KCNQ1OT1: variants seen among roughly 807,000 people sequenced by gnomAD.
The protein encoded by KCNQ1OT1 is KCNQ1 antisense RNA 2 (non-protein coding).
At position 2,653,535 on chromosome 11, in the gene KCNQ1OT1, C is replaced by G. The variant is rs1849790234; in HGVS notation, n.46460G>C. 7.5e-6 allele frequency: 3 copies of G among 398,894 alleles called. No individual in the cohort carries two copies. Among genetic ancestry groups the G allele is most frequent in the Admixed American group, 4.4e-5 (1 of 22,740 alleles). 24.7% of individuals were successfully genotyped at this position (398,894 alleles called of 1,614,324 possible). A position where few individuals can be genotyped will look rare whatever the true frequency, so the allele number is the denominator to read the frequency against. On this transcript the variant is annotated non_coding_transcript_exon_variant, in exon 1 of 1. Coordinates refer to ENST00000597346, the Ensembl canonical transcript of KCNQ1OT1. This position sits in a 1 kb window ranked among gnomAD's most constrained non-coding sequence, Gnocchi z 5.3. The stretch of plus-strand genomic sequence containing the variant: ...CTTGCTCACTTGCTCTCACTCTCCC[C>G]TCTTGCACTCCCCTTCTCCCTTCCC...
Position 2,634,250 on chromosome 11 carries a change from A to G in KCNQ1OT1, n.65745T>C, listed in dbSNP as rs1286205811. The G allele has an allele frequency of 1.6e-5, 6 of 385,618 alleles. No homozygotes were observed. The Admixed American group carries it at 2.7e-4, about 17-fold the overall frequency. The allele number at this position is 385,618 out of a possible 1,614,324, so 23.9% of individuals were successfully genotyped here. ...TTTGTTACATATGTATACATGTGCC[A>G]TGTTGGTGTGCTGCACTGATTACCT... On this transcript the variant is annotated non_coding_transcript_exon_variant, in exon 1 of 1. Coordinates refer to ENST00000597346, the Ensembl canonical transcript of KCNQ1OT1.
rs931788890 is a variant in KCNQ1OT1 at position 2,690,889 on chromosome 11, C to T, written n.9106G>A. On this transcript the variant is annotated non_coding_transcript_exon_variant, in exon 1 of 1. Coordinates refer to ENST00000597346, the Ensembl canonical transcript of KCNQ1OT1. This position sits in a 1 kb window ranked among gnomAD's most constrained non-coding sequence, Gnocchi z 5.1. ...ACACAGGAGTGTAAGCCACTGTTTC[C>T]GTCTGGGTTTTGTCATGTGTAGGTC... The T allele has an allele frequency of 2.3e-5, 9 of 398,438 alleles. No homozygotes were observed. The highest frequency in any genetic ancestry group is 8.8e-5 in the Admixed American group (2 of 22,710). The allele number at this position is 398,438 out of a possible 1,614,324, so 24.7% of individuals were successfully genotyped here.
chr11:2,618,676 C>T (rs1343446879), exon 1 of KCNQ1OT1: 1 of 398,394 alleles, frequency 2.5e-6, no homozygotes, highest in African/African-American at 2.1e-5. Flanking sequence ...TCGTTGGCTA[C>T]TTAAGGTTCT....
At chr11:2,686,719 G>A (rs1015078272) in exon 1 of KCNQ1OT1, 6 of 398,482 alleles carry the variant, frequency 1.5e-5, no homozygotes, top group Non-Finnish European at 2.2e-5. Context: ...AGTCCTACTC[G>A]GCCCCACTTC....
At position 2,664,622 on chromosome 11, in the gene KCNQ1OT1, C is replaced by T. The variant is rs1364643528; in HGVS notation, n.35373G>A. On this transcript the variant is annotated non_coding_transcript_exon_variant, in exon 1 of 1. Transcript: ENST00000597346. The surrounding 1 kb of genome is among the most constrained non-coding windows in gnomAD (Gnocchi z 5.1). ...CTCCTGCACAGCCCGCCCAGTGATG[C>T]CCATAATTAAATTCGGCTCCAGCTG... 1 of 398,526 alleles carries T rather than the reference C, an allele frequency of 2.5e-6. No individual in the cohort carries two copies. The highest frequency in any genetic ancestry group is 6.2e-4 in the Middle Eastern group (1 of 1,612). The allele number at this position is 398,526 out of a possible 1,614,324, so 24.7% of individuals were successfully genotyped here.
At chr11:2,689,620 G>A in exon 1 of KCNQ1OT1, 1 of 398,628 alleles carries the variant, frequency 2.5e-6, no homozygotes, top group Non-Finnish European at 4.4e-6. Context: ...GGTATTTTAG[G>A]AACAAAACAA....
In KCNQ1OT1 at chr11:2,659,547, G is replaced by A. The variant is rs1849913426; in HGVS notation, n.40448C>T. ...ATTGTTTCCAGTATTTGGTAATTAT[G>A]AGCAGAGTTACTATACACATTTATG... On this transcript the variant is annotated non_coding_transcript_exon_variant, in exon 1 of 1. Coordinates refer to ENST00000597346, the Ensembl canonical transcript of KCNQ1OT1. The surrounding 1 kb of genome is among the most constrained non-coding windows in gnomAD (Gnocchi z 4.3). 2.5e-6 allele frequency: 1 copy of A among 398,392 alleles called. No individual in the cohort carries two copies. The highest frequency in any genetic ancestry group is 2.1e-5 in the African/African-American group (1 of 48,636). 24.7% of individuals were successfully genotyped at this position (398,392 alleles called of 1,614,324 possible).
At chr11:2,656,359 T>A (rs1251150638) in exon 1 of KCNQ1OT1, 1 of 398,530 alleles carries the variant, frequency 2.5e-6, no homozygotes, top group Non-Finnish European at 4.4e-6. Flanking sequence ...TCTTCAAGCC[T>A]TACAGGTCCT....
exon 1 of KCNQ1OT1, chr11:2,694,240 A>C (rs748022688): frequency 2.5e-6 from 1 of 398,694 alleles, no homozygotes; most frequent in Non-Finnish European, 4.4e-6. Context: ...GGCAGGATGC[A>C]AGCCAGGGCC....
chr11:2,672,712 T>C (rs1342475259), exon 1 of KCNQ1OT1: 6 of 398,684 alleles, frequency 1.5e-5, no homozygotes, highest in Non-Finnish European at 2.2e-5. Flanking sequence ...CAAGGCCAGA[T>C]GTCAGGTTCC....
exon 1 of KCNQ1OT1, chr11:2,697,543 T>G (rs1422668548): frequency 2.5e-6 from 1 of 398,514 alleles, no homozygotes; most frequent in Non-Finnish European, 4.4e-6. Flanking sequence ...AGTCCTGGCT[T>G]GCTAAGTGGT....
Position 2,676,733 on chromosome 11 carries a change from T to A in KCNQ1OT1, n.23262A>T, listed in dbSNP as rs141131181. On this transcript the variant is annotated non_coding_transcript_exon_variant, in exon 1 of 1. Transcript: ENST00000597346. This position sits in a 1 kb window ranked among gnomAD's most constrained non-coding sequence, Gnocchi z 4.2. ...ATAACCAAGTCATATGCATAGTGGC[T>A]TTGGGTACGATGGTCTGCTGTATGA... 139 of 398,632 alleles carry A rather than the reference T, an allele frequency of 3.5e-4. No homozygotes were observed. In the East Asian group the frequency reaches 3.9e-3, roughly 11 times the overall value. 24.7% of individuals were successfully genotyped at this position (398,632 alleles called of 1,614,324 possible). A position where few individuals can be genotyped will look rare whatever the true frequency, so the allele number is the denominator to read the frequency against.
exon 1 of KCNQ1OT1, chr11:2,610,040 C>CTGGA (rs1848953529): frequency 2.5e-6 from 1 of 397,732 alleles, no homozygotes; most frequent in Non-Finnish European, 4.4e-6. Flanking sequence ...AGATTTATAT[C>CTGGA]CACAGTTTTA....
At chr11:2,634,260 G>A in exon 1 of KCNQ1OT1, 1 of 378,720 alleles carries the variant, frequency 2.6e-6, no homozygotes, top group Non-Finnish European at 4.7e-6. Flanking sequence ...ATGTTGGTGT[G>A]CTGCACTGAT....
Position 2,652,407 on chromosome 11 carries a change from T to C in KCNQ1OT1, n.47588A>G, listed in dbSNP as rs546464852. ...TAGATTAAAAACATTTTTTTCTTCCTGTGTAATTTTGTCTTGAAAATCAAG... is the reference window on the plus strand; with the variant it reads ...TAGATTAAAAACATTTTTTTCTTCCCGTGTAATTTTGTCTTGAAAATCAAG... On this transcript the variant is annotated non_coding_transcript_exon_variant, in exon 1 of 1. Transcript: ENST00000597346. The surrounding 1 kb of genome is among the most constrained non-coding windows in gnomAD (Gnocchi z 5.9). 5 of 398,654 alleles carry C rather than the reference T, an allele frequency of 1.3e-5. No individual in the cohort carries two copies. Among genetic ancestry groups the C allele is most frequent in the African/African-American group, 6.2e-5 (3 of 48,758 alleles). 24.7% of individuals were successfully genotyped at this position (398,654 alleles called of 1,614,324 possible). A position where few individuals can be genotyped will look rare whatever the true frequency, so the allele number is the denominator to read the frequency against.
exon 1 of KCNQ1OT1, chr11:2,699,527 G>T (rs1471127341): frequency 3.3e-5 from 11 of 335,508 alleles, no homozygotes; most frequent in Non-Finnish European, 5.6e-5. Flanking sequence ...AGAGTGCCGC[G>T]CTGAGGAGGC....
chr11:2,621,353 G>A lies in KCNQ1OT1; in HGVS notation n.78642C>T, dbSNP rs1170498787. The A allele has an allele frequency of 2.5e-6, 1 of 398,464 alleles. No individual in the cohort carries two copies. The highest frequency in any genetic ancestry group is 4.4e-6 in the Non-Finnish European group (1 of 226,062). The allele number at this position is 398,464 out of a possible 1,614,324, so 24.7% of individuals were successfully genotyped here. A position where few individuals can be genotyped will look rare whatever the true frequency, so the allele number is the denominator to read the frequency against. ...TGGCTACTTCTGTATTTTCTTTTAAGAAATGTATGTTCCTGTCCTTTGCCA... is the reference window on the plus strand; with the variant it reads ...TGGCTACTTCTGTATTTTCTTTTAAAAAATGTATGTTCCTGTCCTTTGCCA... On this transcript the variant is annotated non_coding_transcript_exon_variant, in exon 1 of 1. Transcript: ENST00000597346. The surrounding 1 kb of genome is among the most constrained non-coding windows in gnomAD (Gnocchi z 5.7).
rs557434209 is a variant in KCNQ1OT1 at position 2,698,901 on chromosome 11, A to G, written n.1094T>C. 3 of 398,670 alleles carry G rather than the reference A, an allele frequency of 7.5e-6. No homozygotes were observed. In the Admixed American group the frequency reaches 1.3e-4, roughly 18 times the overall value. 24.7% of individuals were successfully genotyped at this position (398,670 alleles called of 1,614,324 possible). ...ACTACTCAGATCCCAACTCAGGCAA[A>G]CTCCCAGCCAGGATGTGGACCCTAG... On this transcript the variant is annotated non_coding_transcript_exon_variant, in exon 1 of 1. Coordinates refer to ENST00000597346, the Ensembl canonical transcript of KCNQ1OT1. This position sits in a 1 kb window ranked among gnomAD's most constrained non-coding sequence, Gnocchi z 5.1.
chr11:2,689,214 TGCAGTGGTTTAG>T (rs1340151979), exon 1 of KCNQ1OT1: 2 of 398,700 alleles, frequency 5.0e-6, no homozygotes, highest in Non-Finnish European at 8.8e-6. Context: ...CTGACTTTGA[TGCAGTGGTTTAG>T]GCCAAGCTTT....
Sources: allele counts gnomAD v4.1 joint callset, GRCh38; gene constraint gnomAD v4.1.1; non-coding constraint Gnocchi (gnomAD v3.1); transcripts MANE v1.5; gene names NCBI Gene and HGNC (gene_info 2026-07-23, HGNC 2026-07-21).